VAV2: variants seen among roughly 807,000 people sequenced by gnomAD.
The protein encoded by VAV2 is guanine nucleotide exchange factor VAV2.
VAV2 carries 67 observed loss-of-function variants against 132.5 expected under a neutral mutation model. That is an observed-to-expected ratio of 0.51 (90% CI 0.42 to 0.62). VAV2 has a LOEUF of 0.62. VAV2 is among the 20% of genes least tolerant of loss of function. The pLI is 0.00. For synonymous variants in VAV2, 492 were observed against 443.5 expected (o/e 1.11, Z -1.37); for missense variants, 938 against 1,153.6 (o/e 0.81, Z 2.71).
rs1019162510 is a variant in VAV2 at position 133,991,748 on chromosome 9, C to T, written c.204+327G>A. 4.0e-4 allele frequency among the ~76,000 whole-genome samples: 60 copies of T among 151,302 alleles called. No individual in the cohort carries two copies. The highest frequency in any genetic ancestry group is 7.4e-4 in the Non-Finnish European group (50 of 67,702). On this transcript the variant is annotated intron_variant, in intron 1 of 29. Coordinates refer to ENST00000371850, the MANE Select transcript of VAV2 (RefSeq NM_001134398.2). This position sits in a 1 kb window ranked among gnomAD's most constrained non-coding sequence, Gnocchi z 4.8. ...GGCAGGCTCCCTGGGAAATGAGGGG[C>T]CACTCGCAGGGCCCCGCAGAGCGAG...
chr9:133,961,527 AC>A lies in VAV2; in HGVS notation c.205-22309del, dbSNP rs574029495. On this transcript the variant is annotated intron_variant, in intron 1 of 29. Coordinates refer to ENST00000371850, the MANE Select transcript of VAV2 (RefSeq NM_001134398.2). The surrounding 1 kb of genome is among the most constrained non-coding windows in gnomAD (Gnocchi z 4.1). The stretch of plus-strand genomic sequence containing the variant: ...AGAGGCATGGAGGGAGCCCTTTCCC[AC>A]CCCCCGCTCAACAGGAACACAGCTG... 2.6e-5 allele frequency among the ~76,000 whole-genome samples: 4 copies of A among 151,454 alleles called. No individual in the cohort carries two copies. The highest frequency in any genetic ancestry group is 2.6e-4 in the Admixed American group (4 of 15,206).
chr9:133,826,014 C>T lies in VAV2; in HGVS notation c.449+8258G>A, dbSNP rs1409661080. On this transcript the variant is annotated intron_variant, in intron 4 of 29. Coordinates refer to ENST00000371850, the MANE Select transcript of VAV2 (RefSeq NM_001134398.2). This position sits in a 1 kb window ranked among gnomAD's most constrained non-coding sequence, Gnocchi z 4.2. ...CAGCTCTACATTCGCGGATACATTA[C>T]ATTCCCTGCCGTGTCACGATCACAT... Among the ~76,000 whole-genome samples, 1 of 152,250 alleles carries T rather than the reference C, an allele frequency of 6.6e-6. No homozygotes were observed. The highest frequency in any genetic ancestry group is 1.9e-4 in the East Asian group (1 of 5,198).
intron 14 of VAV2, 25 bp downstream of exon 14, chr9:133,789,233 A>G (rs775001297): frequency 1.2e-6 from 2 of 1,612,450 alleles, no homozygotes; most frequent in Admixed American, 3.3e-5. Context: ...GACGCCACCC[A>G]GCCCACAACA....
Position 133,937,363 on chromosome 9 carries a change from GTGTT to G in VAV2, c.321+1736_321+1739del, listed in dbSNP as rs530605848. On this transcript the variant is annotated intron_variant, in intron 2 of 29. Coordinates refer to ENST00000371850, the MANE Select transcript of VAV2 (RefSeq NM_001134398.2). ...AAGACGGGTTCAAGTGTGTGTATGTGTGTTTGTGTGTGGTGTGTCCATGGATGTC... is the reference window on the plus strand; with the variant it reads ...AAGACGGGTTCAAGTGTGTGTATGTGTGTGTGTGGTGTGTCCATGGATGTC... Among the ~76,000 whole-genome samples the G allele has an allele frequency of 2.3e-4, 34 of 148,366 alleles. 1 individual carries two copies. The highest frequency in any genetic ancestry group is 3.4e-3 in the Middle Eastern group (1 of 290).
chr9:133,952,562 C>T (rs949511327), intron 1 of VAV2, among the ~76,000 whole-genome samples: 1 of 151,638 alleles, frequency 6.6e-6, no homozygotes, highest in African/African-American at 2.4e-5. Context: ...GAGATCGCAC[C>T]ATTGCACTCC....
chr9:133,830,391 G>T (rs1836217882), intron 4 of VAV2, among the ~76,000 whole-genome samples: 1 of 152,182 alleles, frequency 6.6e-6, no homozygotes, highest in Admixed American at 6.5e-5. Context: ...GACCTGGAAG[G>T]AGGTCATTGA....
At chr9:133,975,764 C>G (rs1842483806) in intron 1 of VAV2, among the ~76,000 whole-genome samples, 1 of 152,184 alleles carries the variant, frequency 6.6e-6, no homozygotes, top group Non-Finnish European at 1.5e-5. Context: ...ATTTAAATAT[C>G]TCATACCTGT....
At chr9:133,984,132 C>G (rs1245976294) in intron 1 of VAV2, among the ~76,000 whole-genome samples, 1 of 152,030 alleles carries the variant, frequency 6.6e-6, no homozygotes, top group East Asian at 1.9e-4. Flanking sequence ...CCACCACACC[C>G]AGCTAATTTT....
rs755617330 is a variant in VAV2, at chr9:133,992,267, C to T, written c.12G>A (p.Trp4Ter). The part of the protein sequence containing the change: MEQ[W>*]RQCGRWLIDC... Reference sequence around the variant, plus strand: ...CGATGAGCCAGCGGCCGCACTGCCGCCACTGCTCCATGGCGCCCGCGGGCC... The same window carrying T: ...CGATGAGCCAGCGGCCGCACTGCCGTCACTGCTCCATGGCGCCCGCGGGCC... Residue 4 changes from tryptophan to a stop codon, truncating the protein, a stop_gained, in exon 1 of 30, where the codon TGG becomes TGA. Transcript: ENST00000371850. LOFTEE classifies it high-confidence loss of function. The surrounding 1 kb of genome is among the most constrained non-coding windows in gnomAD (Gnocchi z 5.5). The T allele has an allele frequency of 1.3e-6, 2 of 1,562,374 alleles. No homozygotes were observed. Among genetic ancestry groups the T allele is most frequent in the Non-Finnish European group, 1.7e-6 (2 of 1,154,968 alleles).
intron 19 of VAV2, among the ~76,000 whole-genome samples, chr9:133,782,513 T>C (rs1267423504): frequency 1.3e-5 from 2 of 152,150 alleles, no homozygotes; most frequent in Admixed American, 6.5e-5. Flanking sequence ...CTCCCCAGGT[T>C]AGGGTACTGG....
intron 2 of VAV2, among the ~76,000 whole-genome samples, chr9:133,909,973 G>A (rs1013872447): frequency 6.7e-6 from 1 of 150,360 alleles, no homozygotes; most frequent in Non-Finnish European, 1.5e-5. Context: ...TACCAGCTAT[G>A]CTAGCACTCC....
At chr9:133,818,551 T>C (rs1334056520) in intron 4 of VAV2, among the ~76,000 whole-genome samples, 1 of 152,108 alleles carries the variant, frequency 6.6e-6, no homozygotes, top group Non-Finnish European at 1.5e-5. Context: ...CATCACTGGC[T>C]CCCTGGTTCT....
intron 2 of VAV2, among the ~76,000 whole-genome samples, chr9:133,887,981 C>G (rs563473331): frequency 6.6e-6 from 1 of 152,366 alleles, no homozygotes; most frequent in African/African-American, 2.4e-5. Context: ...CCACCAGGAA[C>G]CCCCAGTTCC....
At chr9:133,870,532 T>TATA (rs931610691) in intron 2 of VAV2, among the ~76,000 whole-genome samples, 4 of 152,200 alleles carry the variant, frequency 2.6e-5, no homozygotes, top group African/African-American at 9.7e-5. Context: ...GATACCCAAA[T>TATA]ATATACTTCC....
chr9:133,889,165 C>T (rs1838831301), intron 2 of VAV2, among the ~76,000 whole-genome samples: 1 of 152,198 alleles, frequency 6.6e-6, no homozygotes, highest in Non-Finnish European at 1.5e-5. Flanking sequence ...AAACCACAGG[C>T]TTGGGGTCGG....
At chr9:133,910,926 G>A (rs374781744) in intron 2 of VAV2, among the ~76,000 whole-genome samples, 2 of 151,688 alleles carry the variant, frequency 1.3e-5, no homozygotes, top group African/African-American at 4.8e-5. Context: ...ACACAGTCCC[G>A]CAGACCGCAA....
At chr9:133,811,581 G>C (rs1220509270) in intron 5 of VAV2, among the ~76,000 whole-genome samples, 1 of 152,202 alleles carries the variant, frequency 6.6e-6, no homozygotes, top group African/African-American at 2.4e-5. Context: ...AACCCACGCG[G>C]AGCAAACTGG....
In VAV2 at chr9:133,804,101, A is replaced by G. The variant is rs1564363334; in HGVS notation, c.836+1980T>C. Among the ~76,000 whole-genome samples the G allele has an allele frequency of 6.6e-6, 1 of 152,154 alleles. No individual in the cohort carries two copies. The highest frequency in any genetic ancestry group is 1.5e-5 in the Non-Finnish European group (1 of 68,028). On this transcript the variant is annotated intron_variant, in intron 9 of 29. Transcript: ENST00000371850. This position sits in a 1 kb window ranked among gnomAD's most constrained non-coding sequence, Gnocchi z 4.5. ...GTAGCTCTGTTCACTGCGTGTCCTC[A>G]GTCCAGAGCTCAGGAGCCATACAGA... is the stretch of plus-strand genomic sequence containing the variant.
chr9:133,817,909 C>T (rs940046532), intron 4 of VAV2, among the ~76,000 whole-genome samples: 2 of 152,130 alleles, frequency 1.3e-5, no homozygotes, highest in Admixed American at 1.3e-4. Flanking sequence ...TTTGACTGGG[C>T]TAAGGACTAC....
Sources: gnomAD v4.1 joint callset for allele counts (sites outside exome capture counted in the v4.1 genomes callset) on GRCh38, gnomAD v4.1.1 for gene constraint, Gnocchi (gnomAD v3.1) non-coding constraint, MANE v1.5 for transcripts, NCBI Gene and HGNC (gene_info 2026-07-23, HGNC 2026-07-21) for gene names.